SORCS2: variants seen among roughly 807,000 people sequenced by gnomAD.
SORCS2 encodes the protein sortilin related VPS10 domain containing receptor 2, also known as VPS10 domain-containing receptor SorCS2.
In SORCS2, 100 loss-of-function variants were observed where a neutral mutation model predicts 141.6. That is an observed-to-expected ratio of 0.71 (90% CI 0.60 to 0.83). SORCS2 has a LOEUF of 0.83. SORCS2 is among the 40% of genes least tolerant of loss of function. The pLI is 0.00. For synonymous variants in SORCS2, 789 were observed against 676.9 expected (o/e 1.17, Z -2.57); for missense variants, 1,646 against 1,560.2 (o/e 1.05, Z -0.93).
chr4:7,725,777 G>C (rs1275401113), intron 20 of SORCS2, among the ~76,000 whole-genome samples: 2 of 152,192 alleles, frequency 1.3e-5, no homozygotes, highest in African/African-American at 2.4e-5. Context: ...TGCCTGGACT[G>C]GGGGCAAGAC....
Position 7,689,486 on chromosome 4 carries a change from C to T in SORCS2, c.1489C>T (p.Pro497Ser), listed in dbSNP as rs1724078711. The change falls in exon 11 of 27, where the codon CCA becomes TCA. Residue 497 changes from proline to serine, a missense_variant and splice_region_variant. Coordinates refer to ENST00000507866, the MANE Select transcript of SORCS2 (RefSeq NM_020777.3). The stretch of plus-strand genomic sequence containing the variant: ...GTTGCGTCCTTTCTCTTCCTTGCAG[C>T]CAGACTGCCACCTGCACCTGCACCT... ...MNGKPTNCKP[P>S]DCHLHLHLRW... 2 of 1,592,510 alleles carry T rather than the reference C, an allele frequency of 1.3e-6. No individual in the cohort carries two copies. The highest frequency in any genetic ancestry group is 2.7e-5 in the African/African-American group (2 of 74,484).
At chr4:7,285,393 C>G (rs1046562188) in intron 1 of SORCS2, among the ~76,000 whole-genome samples, 1 of 152,236 alleles carries the variant, frequency 6.6e-6, no homozygotes, top group Non-Finnish European at 1.5e-5. Flanking sequence ...CTAGATAAGG[C>G]CACATGGCAG....
At chr4:7,578,599 A>G (rs1434489279) in intron 3 of SORCS2, among the ~76,000 whole-genome samples, 1 of 152,176 alleles carries the variant, frequency 6.6e-6, no homozygotes, top group Admixed American at 6.5e-5. Context: ...CTTCTTTTAC[A>G]TGTAAAGTGT....
At chr4:7,271,971 G>T (rs1216271598) in intron 1 of SORCS2, among the ~76,000 whole-genome samples, 1 of 152,218 alleles carries the variant, frequency 6.6e-6, no homozygotes, top group Non-Finnish European at 1.5e-5. Context: ...GAGCTCTGCG[G>T]GCTGTTTAAG....
At chr4:7,381,509 T>C (rs1722994020) in intron 1 of SORCS2, among the ~76,000 whole-genome samples, 1 of 152,210 alleles carries the variant, frequency 6.6e-6, no homozygotes, top group South Asian at 2.1e-4. Flanking sequence ...CCAAAGGCTC[T>C]TCCTCCTCCT....
intron 10 of SORCS2, 87 bp from the exon 11 acceptor site, chr4:7,689,399 A>G (rs563322076): frequency 1.5e-6 from 2 of 1,314,468 alleles, no homozygotes; most frequent in East Asian, 2.5e-5. Flanking sequence ...CCAAAAAGCC[A>G]CAGGGGCAGA....
chr4:7,584,931 T>G (rs1207683013), intron 3 of SORCS2, among the ~76,000 whole-genome samples: 3 of 152,130 alleles, frequency 2.0e-5, no homozygotes, highest in Non-Finnish European at 4.4e-5. Flanking sequence ...AGCAAGCACA[T>G]TGCAAAACAC....
chr4:7,444,250 C>T (rs979276516), intron 2 of SORCS2, among the ~76,000 whole-genome samples: 2 of 152,196 alleles, frequency 1.3e-5, no homozygotes, highest in Non-Finnish European at 2.9e-5. Flanking sequence ...ACCCTGTACT[C>T]TTGGAACTTA....
intron 1 of SORCS2, among the ~76,000 whole-genome samples, chr4:7,208,867 C>T (rs2108878622): frequency 6.6e-6 from 1 of 152,346 alleles, no homozygotes; most frequent in South Asian, 2.1e-4. Context: ...TTTGCAAGGC[C>T]AGCCTGGTCT....
chr4:7,315,633 A>G (rs1279672200), intron 1 of SORCS2, among the ~76,000 whole-genome samples: 1 of 152,020 alleles, frequency 6.6e-6, no homozygotes, highest in Non-Finnish European at 1.5e-5. Context: ...TCCCAGGAGG[A>G]TCCTCCCTGC....
Position 7,541,981 on chromosome 4 carries a change from C to T in SORCS2, c.648+10352C>T, listed in dbSNP as rs557614546. On this transcript the variant is annotated intron_variant, in intron 3 of 26. Transcript: ENST00000507866. The stretch of plus-strand genomic sequence containing the variant: ...TCTGGCCCCCCAGCCATGTGCAGGA[C>T]CCCCTGCCAGCTCCCCACTTTTTGG... Among the ~76,000 whole-genome samples, 4 of 152,308 alleles carry T rather than the reference C, an allele frequency of 2.6e-5. No individual in the cohort carries two copies. In the South Asian group the frequency reaches 8.3e-4, roughly 32 times the overall value.
chr4:7,232,248 A>G (rs1436584200), intron 1 of SORCS2, among the ~76,000 whole-genome samples: 1 of 152,038 alleles, frequency 6.6e-6, no homozygotes, highest in African/African-American at 2.4e-5. Flanking sequence ...GGATGAGGGG[A>G]AAGCTGCCTG....
intron 1 of SORCS2, among the ~76,000 whole-genome samples, chr4:7,339,868 G>T (rs1246155272): frequency 6.6e-6 from 1 of 152,212 alleles, no homozygotes; most frequent in South Asian, 2.1e-4. Flanking sequence ...GGGTCTCCAG[G>T]AAGATGTCAA....
At chr4:7,274,432 C>G (rs572418864) in intron 1 of SORCS2, among the ~76,000 whole-genome samples, 22 of 152,240 alleles carry the variant, frequency 1.4e-4, no homozygotes, top group African/African-American at 4.8e-4. Context: ...AAGCATGATG[C>G]CGGGCATCTG....
chr4:7,291,479 G>A (rs1022913947), intron 1 of SORCS2, among the ~76,000 whole-genome samples: 3 of 152,298 alleles, frequency 2.0e-5, no homozygotes, highest in East Asian at 1.9e-4. Flanking sequence ...GTTCTGGCTC[G>A]GTGGTGGATG....
chr4:7,434,822 T>TGGG, intron 2 of SORCS2: 1 of 1,601,754 alleles, frequency 6.2e-7, no homozygotes, highest in South Asian at 1.1e-5. Flanking sequence ...GGGCCTGAGG[T>TGGG]GGGGCTGGCC....
At chr4:7,685,687 A>AT (rs1237228403) in intron 10 of SORCS2, among the ~76,000 whole-genome samples, 2,696 of 113,224 alleles carry the variant, frequency 0.024, 88 homozygotes, top group African/African-American at 0.077. Context: ...TAAAATAAAT[A>AT]AATATATATA....
At chr4:7,434,160 C>T (rs146589550) in intron 2 of SORCS2, 2 of 1,613,928 alleles carry the variant, frequency 1.2e-6, no homozygotes, top group Admixed American at 1.7e-5. Flanking sequence ...GGGGGAGAAG[C>T]CTCAGTGCTT....
At chr4:7,416,595 CA>C (rs1725692319) in intron 2 of SORCS2, among the ~76,000 whole-genome samples, 1 of 152,218 alleles carries the variant, frequency 6.6e-6, no homozygotes, top group African/African-American at 2.4e-5. Flanking sequence ...CACATGCTCA[CA>C]CTTGTGCGTA....
Sources: allele counts gnomAD v4.1 joint callset (sites outside exome capture counted in the v4.1 genomes callset), GRCh38; gene constraint gnomAD v4.1.1; transcripts MANE v1.5; gene names NCBI Gene and HGNC (gene_info 2026-07-23, HGNC 2026-07-21).